Variants in CTNNA3 observed in about 807,000 individuals in gnomAD.
CTNNA3 encodes the protein catenin alpha 3.
Under a neutral mutation model 95.7 loss-of-function variants are expected in CTNNA3, and 76 were observed. The observed-to-expected ratio is 0.79, with a 90% CI of 0.66 to 0.96. The LOEUF (loss-of-function observed/expected upper bound fraction) is 0.96, where lower values mean the gene tolerates loss of function less well. Among genes scored for constraint, CTNNA3 ranks in the 40% least tolerant of loss-of-function variants. The probability of loss-of-function intolerance (pLI) is 0.00; values close to 1 mark genes in which losing one functional copy is unlikely to be tolerated. For synonymous variants in CTNNA3, 431 were observed against 374.4 expected (o/e 1.15, Z -1.74); for missense variants, 1,191 against 1,089.8 (o/e 1.09, Z -1.31).
intron 12 of CTNNA3, among the ~76,000 whole-genome samples, chr10:66,293,061 G>T (rs1380620562): frequency 6.6e-6 from 1 of 151,970 alleles, no homozygotes; most frequent in Non-Finnish European, 1.5e-5. Flanking sequence ...TATAAGTTTT[G>T]ATGATCACAA....
intron 7 of CTNNA3, chr10:67,177,028 G>C (rs751654941): frequency 4.3e-6 from 2 of 464,236 alleles, no homozygotes; most frequent in East Asian, 1.3e-4. Context: ...TAAGTGTGTG[G>C]TAATTTGTTA....
intron 7 of CTNNA3, among the ~76,000 whole-genome samples, chr10:66,922,454 T>C (rs78844905): frequency 0.013 from 2,015 of 152,356 alleles, 40 homozygotes; most frequent in African/African-American, 0.046. Context: ...CAGTAACTTC[T>C]GCAGCCTCAA....
At chr10:67,556,718 T>C (rs1841271217) in intron 3 of CTNNA3, among the ~76,000 whole-genome samples, 2 of 152,218 alleles carry the variant, frequency 1.3e-5, no homozygotes, top group Non-Finnish European at 2.9e-5. Context: ...CCTGGATTCA[T>C]TGATTTTTTG....
chr10:67,231,678 T>C (rs1865219991), intron 5 of CTNNA3, among the ~76,000 whole-genome samples: 1 of 148,432 alleles, frequency 6.7e-6, no homozygotes, highest in South Asian at 2.2e-4. Flanking sequence ...GGACGGAGAA[T>C]GAGAGAAGAA....
chr10:67,625,321 C>T (rs1023238847), intron 2 of CTNNA3, among the ~76,000 whole-genome samples: 3 of 152,176 alleles, frequency 2.0e-5, no homozygotes, highest in Non-Finnish European at 2.9e-5. Flanking sequence ...CCTCCCTCCT[C>T]AATACTGGAG....
intron 11 of CTNNA3, among the ~76,000 whole-genome samples, chr10:66,446,401 T>C (rs951953909): frequency 1.6e-4 from 24 of 152,170 alleles, no homozygotes; most frequent in African/African-American, 5.1e-4. Flanking sequence ...ATATCCTTGA[T>C]GAACATTGAT....
intron 5 of CTNNA3, among the ~76,000 whole-genome samples, chr10:67,281,553 A>G (rs1477958654): frequency 6.6e-6 from 1 of 152,136 alleles, no homozygotes; most frequent in Admixed American, 6.6e-5. Context: ...AATATATATG[A>G]TGGTTTATAA....
At chr10:66,924,348 C>T (rs963300990) in intron 7 of CTNNA3, among the ~76,000 whole-genome samples, 2 of 152,166 alleles carry the variant, frequency 1.3e-5, no homozygotes, top group East Asian at 1.9e-4. Flanking sequence ...AAGCTCTCCA[C>T]GGTTTTCCAC....
intron 5 of CTNNA3, among the ~76,000 whole-genome samples, chr10:67,260,799 C>T (rs543422012): frequency 5.5e-4 from 84 of 152,206 alleles, no homozygotes; most frequent in African/African-American, 1.9e-3. Flanking sequence ...ATTCTCTCGC[C>T]TCAGCCTCCT....
At chr10:67,721,290 A>G (rs1254088769) in intron 1 of CTNNA3, among the ~76,000 whole-genome samples, 1 of 152,070 alleles carries the variant, frequency 6.6e-6, no homozygotes, top group East Asian at 1.9e-4. Flanking sequence ...AGTTTCAGGT[A>G]CACCAATCAA....
intron 6 of CTNNA3, among the ~76,000 whole-genome samples, chr10:67,183,967 A>C (rs1862710713): frequency 6.6e-6 from 1 of 152,098 alleles, no homozygotes; most frequent in Non-Finnish European, 1.5e-5. Context: ...TAGGAAACAA[A>C]AAGGAGTCAG....
At chr10:66,253,542 T>A (rs942355785) in intron 13 of CTNNA3, among the ~76,000 whole-genome samples, 1 of 152,172 alleles carries the variant, frequency 6.6e-6, no homozygotes, top group African/African-American at 2.4e-5. Flanking sequence ...GATATCTCAT[T>A]GAAATGGTAG....
intron 9 of CTNNA3, among the ~76,000 whole-genome samples, chr10:66,745,193 T>G (rs1838811110): frequency 6.6e-6 from 1 of 152,200 alleles, no homozygotes; most frequent in South Asian, 2.1e-4. Flanking sequence ...AACATCTTAT[T>G]TGTTAGCTTC....
At chr10:67,428,376 T>C (rs1391824910) in intron 5 of CTNNA3, among the ~76,000 whole-genome samples, 2 of 152,034 alleles carry the variant, frequency 1.3e-5, no homozygotes, top group Non-Finnish European at 2.9e-5. Context: ...GACACGTAAA[T>C]GAACAAATCA....
intron 7 of CTNNA3, among the ~76,000 whole-genome samples, chr10:66,947,181 C>A (rs1304704399): frequency 6.6e-6 from 1 of 152,042 alleles, no homozygotes; most frequent in Admixed American, 6.6e-5. Flanking sequence ...GGTGTTCATG[C>A]CTAAATCTTT....
chr10:66,693,224 C>A (rs185173397), intron 9 of CTNNA3, among the ~76,000 whole-genome samples: 51 of 152,072 alleles, frequency 3.4e-4, no homozygotes, highest in African/African-American at 1.2e-3. Flanking sequence ...CCATCTCACA[C>A]GCAGAGACAC....
intron 11 of CTNNA3, among the ~76,000 whole-genome samples, chr10:66,414,143 TA>T (rs535288901): frequency 6.6e-6 from 1 of 152,204 alleles, no homozygotes; most frequent in African/African-American, 2.4e-5. Context: ...TTAGTATGTT[TA>T]AAACAAATGC....
rs551472433 is a variant in CTNNA3 at position 66,595,526 on chromosome 10, G to A, written c.1374+26166C>T. ...TAATTTTTGTATTTTTAGTAGAAAC[G>A]GGGTTTCACCATGTTGGCCAGGCTG... On this transcript the variant is annotated intron_variant, in intron 10 of 17. Coordinates refer to ENST00000433211, the MANE Select transcript of CTNNA3 (RefSeq NM_013266.4). Among the ~76,000 whole-genome samples the A allele has an allele frequency of 3.8e-4, 58 of 151,954 alleles. 1 individual carries two copies. Among genetic ancestry groups the A allele is most frequent in the African/African-American group, 1.3e-3 (54 of 41,464 alleles).
chr10:66,097,337 A>C (rs1231834472), intron 14 of CTNNA3, among the ~76,000 whole-genome samples: 1 of 152,202 alleles, frequency 6.6e-6, no homozygotes, highest in Non-Finnish European at 1.5e-5. Context: ...TCAGGAGCAC[A>C]CAAAGATCTG....
Sources: allele counts gnomAD v4.1 joint callset (sites outside exome capture counted in the v4.1 genomes callset), GRCh38; gene constraint gnomAD v4.1.1; transcripts MANE v1.5; gene names NCBI Gene and HGNC (gene_info 2026-07-23, HGNC 2026-07-21).